The following GULP1 variants were observed in gnomAD, a reference collection of about 807,000 sequenced individuals.
The protein encoded by GULP1 is PTB domain-containing engulfment adapter protein 1.
Under a neutral mutation model 40.9 loss-of-function variants are expected in GULP1, and 19 were observed. That is an observed-to-expected ratio of 0.46 (90% CI 0.32 to 0.68). The LOEUF (loss-of-function observed/expected upper bound fraction) is 0.68. GULP1 is among the 30% of genes least tolerant of loss of function. GULP1 has a pLI of 0.03. For missense variants in GULP1, 312 were observed against 362.2 expected (o/e 0.86, Z 1.12); for synonymous variants, 119 against 117.6 (o/e 1.01, Z -0.08).
At chr2:188,458,487 A>T (rs2059446320) in intron 2 of GULP1, among the ~76,000 whole-genome samples, 1 of 152,084 alleles carries the variant, frequency 6.6e-6, no homozygotes, top group African/African-American at 2.4e-5. Context: ...TATCCTCTGA[A>T]AATACAATGC....
At chr2:188,342,709 TA>T (rs1427298576) in intron 1 of GULP1, among the ~76,000 whole-genome samples, 1 of 152,192 alleles carries the variant, frequency 6.6e-6, no homozygotes, top group African/African-American at 2.4e-5. Flanking sequence ...TTATTGTATG[TA>T]CATTATCTTA....
chr2:188,342,347 C>T (rs1210383573), intron 1 of GULP1, among the ~76,000 whole-genome samples: 2 of 152,136 alleles, frequency 1.3e-5, no homozygotes, highest in African/African-American at 4.8e-5. Flanking sequence ...TAATCTTTGT[C>T]TATACCTTCA....
At chr2:188,364,040 T>C (rs773291389) in intron 1 of GULP1, among the ~76,000 whole-genome samples, 34 of 152,204 alleles carry the variant, frequency 2.2e-4, no homozygotes, top group Non-Finnish European at 4.1e-4. Flanking sequence ...ATGTGTGTTA[T>C]TGCTACTTTG....
chr2:188,364,514 G>C (rs1425142946), intron 1 of GULP1, among the ~76,000 whole-genome samples: 1 of 152,076 alleles, frequency 6.6e-6, no homozygotes, highest in African/African-American at 2.4e-5. Flanking sequence ...CTGTAACCTT[G>C]AAGGAGAGCA....
rs1254005518 is a variant in GULP1 at position 188,557,673 on chromosome 2, G to T, written c.400-11566G>T. Among the ~76,000 whole-genome samples, 4 of 152,210 alleles carry T rather than the reference G, an allele frequency of 2.6e-5. No homozygotes were observed. In the East Asian group the frequency reaches 5.8e-4, roughly 22 times the overall value. ...CTCTCAGTGGATCCACCATTCTGGG[G>T]TCTGGAAAATGGTGGCCCTTTTCTC... On this transcript the variant is annotated intron_variant, in intron 7 of 11. Coordinates refer to ENST00000409830, the MANE Select transcript of GULP1 (RefSeq NM_016315.4).
At chr2:188,373,759 T>C (rs1375542170) in intron 1 of GULP1, among the ~76,000 whole-genome samples, 1 of 151,994 alleles carries the variant, frequency 6.6e-6, no homozygotes, top group African/African-American at 2.4e-5. Context: ...AATAATACTA[T>C]TAAGCTTCCA....
chr2:188,561,208 T>C (rs532471980), intron 7 of GULP1, among the ~76,000 whole-genome samples: 4 of 152,294 alleles, frequency 2.6e-5, no homozygotes, highest in South Asian at 2.1e-4. Context: ...TAGGCTGATA[T>C]ATGCTGGCAG....
At chr2:188,414,216 C>CAAAA (rs774779119) in intron 2 of GULP1, among the ~76,000 whole-genome samples, 2 of 44,682 alleles carry the variant, frequency 4.5e-5, no homozygotes, top group African/African-American at 9.1e-5. Flanking sequence ...GACTCCATCT[C>CAAAA]AAAAAAAAAA....
At chr2:188,403,371 G>T (rs922658555) in intron 2 of GULP1, among the ~76,000 whole-genome samples, 2 of 151,966 alleles carry the variant, frequency 1.3e-5, no homozygotes, top group Admixed American at 1.3e-4. Flanking sequence ...ATTGTTACGT[G>T]CCCTAAATTA....
At chr2:188,565,015 T>C (rs1697302528) in intron 7 of GULP1, among the ~76,000 whole-genome samples, 1 of 151,882 alleles carries the variant, frequency 6.6e-6, no homozygotes, top group Non-Finnish European at 1.5e-5. Flanking sequence ...ATTATGAAAA[T>C]TATCTCCTAC....
At chr2:188,586,993 T>C (rs1428737355) in intron 10 of GULP1, among the ~76,000 whole-genome samples, 1 of 152,090 alleles carries the variant, frequency 6.6e-6, no homozygotes, top group Non-Finnish European at 1.5e-5. Context: ...TGTAAAGTTC[T>C]CTGCAAAATG....
chr2:188,551,747 T>C (rs1693504184), intron 7 of GULP1, among the ~76,000 whole-genome samples: 1 of 151,718 alleles, frequency 6.6e-6, no homozygotes, highest in Non-Finnish European at 1.5e-5. Context: ...TTTGAAATCT[T>C]CATACTGTTT....
intron 1 of GULP1, chr2:188,297,543 C>T (rs369265737): frequency 2.4e-5 from 11 of 453,226 alleles, no homozygotes; most frequent in African/African-American, 8.3e-5. Flanking sequence ...TTTGCCAGAG[C>T]TACAAAGGCA....
chr2:188,575,419 G>A (rs1222820537), intron 9 of GULP1, among the ~76,000 whole-genome samples: 1 of 152,070 alleles, frequency 6.6e-6, no homozygotes, highest in Non-Finnish European at 1.5e-5. Flanking sequence ...AAGAAAGAGA[G>A]GTTGGTAATA....
At chr2:188,326,764 C>G (rs1473412522) in intron 1 of GULP1, among the ~76,000 whole-genome samples, 3 of 152,052 alleles carry the variant, frequency 2.0e-5, no homozygotes, top group African/African-American at 7.2e-5. Context: ...GCTTTAGCTT[C>G]CAAAGCAGTC....
At chr2:188,440,794 A>T (rs1448505878) in intron 2 of GULP1, among the ~76,000 whole-genome samples, 1 of 152,206 alleles carries the variant, frequency 6.6e-6, no homozygotes, top group African/African-American at 2.4e-5. Flanking sequence ...TTAATTCCTC[A>T]ATACTTTACT....
Sources: allele counts gnomAD v4.1 joint callset (sites outside exome capture counted in the v4.1 genomes callset), GRCh38; gene constraint gnomAD v4.1.1; transcripts MANE v1.5; gene names NCBI Gene and HGNC (gene_info 2026-07-23, HGNC 2026-07-21).